Variants in VPS54 observed in about 807,000 individuals in gnomAD.
VPS54 encodes vacuolar protein sorting-associated protein 54.
VPS54 carries 45 observed loss-of-function variants against 121.5 expected under a neutral mutation model. That is an observed-to-expected ratio of 0.37 (90% CI 0.29 to 0.47). VPS54 has a LOEUF of 0.47. VPS54 is among the 20% of genes least tolerant of loss of function. The pLI, the probability that VPS54 is intolerant of heterozygous loss-of-function variation, is 0.99. For synonymous variants in VPS54, 371 were observed against 385.8 expected (o/e 0.96, Z 0.45); for missense variants, 1,090 against 1,131.4 (o/e 0.96, Z 0.52).
intron 5 of VPS54, among the ~76,000 whole-genome samples, chr2:63,967,071 C>T (rs1676034521): frequency 6.6e-6 from 1 of 152,108 alleles, no homozygotes; most frequent in Admixed American, 6.5e-5. Flanking sequence ...CCTCTGGAGA[C>T]CATATGTTCT....
chr2:63,961,101 C>T lies in VPS54; in HGVS notation c.1010+957G>A, dbSNP rs545792076. Among the ~76,000 whole-genome samples, 15 of 152,266 alleles carry T rather than the reference C, an allele frequency of 9.9e-5. No homozygotes were observed. In the South Asian group the frequency reaches 3.1e-3, roughly 32 times the overall value. ...AATTTGTCTGCTTCCTTCCCCATGCCAAATAAATTGTAGAGACTTTTAGAG... is the reference window on the plus strand; with the variant it reads ...AATTTGTCTGCTTCCTTCCCCATGCTAAATAAATTGTAGAGACTTTTAGAG... On this transcript the variant is annotated intron_variant, in intron 7 of 22. Transcript: ENST00000272322.
intron 15 of VPS54, among the ~76,000 whole-genome samples, chr2:63,919,272 C>A (rs920091943): frequency 4.0e-5 from 6 of 151,740 alleles, no homozygotes; most frequent in Non-Finnish European, 8.8e-5. Context: ...CCTTTTTTGT[C>A]TCCTTCATGG....
At chr2:63,954,770 G>T (rs1449203235) in intron 7 of VPS54, among the ~76,000 whole-genome samples, 1 of 151,924 alleles carries the variant, frequency 6.6e-6, no homozygotes, top group African/African-American at 2.4e-5. Context: ...CAATTACAGA[G>T]AATATAGGTG....
chr2:63,972,975 C>G (rs149847306), intron 3 of VPS54, among the ~76,000 whole-genome samples: 12 of 151,826 alleles, frequency 7.9e-5, no homozygotes, highest in Non-Finnish European at 1.8e-4. Flanking sequence ...AATTAGATGA[C>G]CACTAACAAT....
At chr2:63,929,930 C>T (rs1315776935) in intron 12 of VPS54, among the ~76,000 whole-genome samples, 1 of 152,100 alleles carries the variant, frequency 6.6e-6, no homozygotes, top group Admixed American at 6.5e-5. Flanking sequence ...GGATAAATTC[C>T]TCGACATATG....
At chr2:63,992,772 GC>G (rs1383256541) in intron 1 of VPS54, among the ~76,000 whole-genome samples, 1 of 152,220 alleles carries the variant, frequency 6.6e-6, no homozygotes, top group Non-Finnish European at 1.5e-5. Flanking sequence ...CGGCATGCCT[GC>G]CCCTGCTTTA....
intron 1 of VPS54, among the ~76,000 whole-genome samples, chr2:63,992,239 C>A (rs749236640): frequency 1.3e-5 from 2 of 152,222 alleles, no homozygotes; most frequent in Non-Finnish European, 2.9e-5. Flanking sequence ...GAAAAGGCCG[C>A]TTATTGGATT....
intron 1 of VPS54, among the ~76,000 whole-genome samples, chr2:64,013,963 C>T (rs1678566220): frequency 6.7e-6 from 1 of 149,476 alleles, no homozygotes; most frequent in South Asian, 2.1e-4. Context: ...AAGGCCGAGG[C>T]AGGTAGATCA....
chr2:63,992,999 C>A (rs990048501), intron 1 of VPS54, among the ~76,000 whole-genome samples: 7 of 152,128 alleles, frequency 4.6e-5, no homozygotes, highest in African/African-American at 1.7e-4. Flanking sequence ...AGCCCAGTTT[C>A]CCCAGGCCTA....
At chr2:63,918,738 G>A (rs1384144424) in intron 15 of VPS54, among the ~76,000 whole-genome samples, 1 of 151,892 alleles carries the variant, frequency 6.6e-6, no homozygotes. Flanking sequence ...TCGATTCCAT[G>A]CACCTTGCCC....
intron 1 of VPS54, among the ~76,000 whole-genome samples, chr2:64,015,778 T>TA (rs1234143751): frequency 6.6e-6 from 1 of 152,144 alleles, no homozygotes; most frequent in Non-Finnish European, 1.5e-5. Flanking sequence ...AATAAGACAT[T>TA]AATAGTATAA....
In VPS54 at chr2:63,899,654, CAT is replaced by C. The variant is rs1672593002; in HGVS notation, c.2626-75_2626-74del. On this transcript the variant is annotated intron_variant, in intron 20 of 22. Coordinates refer to ENST00000272322, the MANE Select transcript of VPS54 (RefSeq NM_016516.3). ...ATAATGTCTCCACCATTCCCTGAGACATATATTTACTGTCCCTCCACATATCC... is the reference window on the plus strand; with the variant it reads ...ATAATGTCTCCACCATTCCCTGAGACATATTTACTGTCCCTCCACATATCC... The C allele has an allele frequency of 4.8e-6, 6 of 1,246,164 alleles. No individual in the cohort carries two copies. In the South Asian group the frequency reaches 7.7e-5, roughly 16 times the overall value. The allele number at this position is 1,246,164 out of a possible 1,614,324, so 77.2% of individuals were successfully genotyped here.
chr2:63,928,081 A>G (rs1483578322), intron 12 of VPS54, among the ~76,000 whole-genome samples: 1 of 152,214 alleles, frequency 6.6e-6, no homozygotes, highest in Non-Finnish European at 1.5e-5. Flanking sequence ...CAAGTTAGAA[A>G]ACACTCTTCA....
chr2:63,931,187 G>A (rs574107983), intron 12 of VPS54, among the ~76,000 whole-genome samples: 20 of 152,200 alleles, frequency 1.3e-4, no homozygotes, highest in African/African-American at 3.6e-4. Flanking sequence ...AAAAGAGCCC[G>A]CATAGCCAAG....
intron 1 of VPS54, among the ~76,000 whole-genome samples, chr2:63,992,692 G>T (rs1374143507): frequency 6.6e-6 from 1 of 152,218 alleles, no homozygotes; most frequent in Non-Finnish European, 1.5e-5. Flanking sequence ...AAGAAATCAG[G>T]CAAGTGGTGG....
chr2:63,994,849 T>C (rs970079939), intron 1 of VPS54, among the ~76,000 whole-genome samples: 9 of 152,216 alleles, frequency 5.9e-5, no homozygotes, highest in African/African-American at 1.9e-4. Flanking sequence ...TCATATGGTT[T>C]AGTAATAGAC....
intron 20 of VPS54, among the ~76,000 whole-genome samples, chr2:63,903,280 C>G (rs1227395669): frequency 6.6e-6 from 1 of 152,154 alleles, no homozygotes; most frequent in Non-Finnish European, 1.5e-5. Context: ...CAGAAGACAA[C>G]TGAACTGAAT....
intron 9 of VPS54, among the ~76,000 whole-genome samples, chr2:63,944,885 T>TA (rs1235494649): frequency 1.3e-5 from 2 of 152,048 alleles, no homozygotes; most frequent in Non-Finnish European, 2.9e-5. Context: ...AAGTCAACAA[T>TA]AACAGGTGCT....
chr2:64,009,155 GTCTT>G (rs1678311102), intron 1 of VPS54, among the ~76,000 whole-genome samples: 3 of 152,138 alleles, frequency 2.0e-5, no homozygotes, highest in African/African-American at 7.2e-5. Context: ...TTCCTCTTCT[GTCTT>G]TGTCTCCTTA....
Sources: allele counts gnomAD v4.1 joint callset (sites outside exome capture counted in the v4.1 genomes callset), GRCh38; gene constraint gnomAD v4.1.1; transcripts MANE v1.5; gene names NCBI Gene and HGNC (gene_info 2026-07-23, HGNC 2026-07-21).